The following ANKMY1 variants were observed in gnomAD, a reference collection of about 807,000 sequenced individuals.
ANKMY1 encodes the protein ankyrin repeat and MYND domain-containing protein 1.
A neutral mutation model predicts 102.0 loss-of-function variants in ANKMY1; 98 were observed. The ratio of observed to expected loss-of-function variants is 0.96; its 90% CI spans 0.82 to 1.14. ANKMY1 has a LOEUF of 1.14. Ranked by LOEUF, ANKMY1 falls within the 50% of genes most tolerant of loss-of-function variation. The pLI, the probability that ANKMY1 is intolerant of heterozygous loss-of-function variation, is 0.00. For synonymous variants in ANKMY1, 582 were observed against 559.9 expected (o/e 1.04, Z -0.56); for missense variants, 1,330 against 1,347.6 (o/e 0.99, Z 0.20).
At chr2:240,523,827 C>T in intron 8 of ANKMY1, 58 bp downstream of exon 8, 1 of 1,575,860 alleles carries the variant, frequency 6.3e-7, no homozygotes, top group Non-Finnish European at 8.6e-7. Context: ...GTCTGCTGAG[C>T]ATAGGATTCA....
intron 5 of ANKMY1, 63 bp from the exon 6 acceptor site, chr2:240,526,508 C>G: frequency 6.3e-7 from 1 of 1,599,410 alleles, no homozygotes; most frequent in South Asian, 1.1e-5. Flanking sequence ...GAGAAAGGGT[C>G]CAGCTGGACC....
In ANKMY1 at chr2:240,524,391, G is replaced by A. The variant is rs1369855082; in HGVS notation, c.1336-10C>T. 23 of 1,576,494 alleles carry A rather than the reference G, an allele frequency of 1.5e-5. No individual in the cohort carries two copies. In the Admixed American group the frequency reaches 2.3e-4, roughly 15 times the overall value. Reference sequence around the variant, plus strand: ...GGAATTTTGGAGGTTCCTTTGGAAAGAACCAAAAAAGTGTCATTAGAATAA... The same window carrying A: ...GGAATTTTGGAGGTTCCTTTGGAAAAAACCAAAAAAGTGTCATTAGAATAA... On this transcript the variant is annotated splice_polypyrimidine_tract_variant and intron_variant, in intron 7 of 17. Transcript: ENST00000401804.
Position 240,512,936 on chromosome 2 carries a change from T to A in ANKMY1, c.2011A>T (p.Thr671Ser). The change falls in exon 10 of 18, where the codon ACC becomes TCC. Residue 671 changes from threonine to serine, a missense_variant. Thr to Ser is a moderately conservative substitution (Grantham distance 58). Transcript: ENST00000401804. ...GCAGCGATGTGGAGTGGTGTCAGGGTGCTCAGCTGCAGAGGAAACACCGGG... is the reference window on the plus strand; with the variant it reads ...GCAGCGATGTGGAGTGGTGTCAGGGAGCTCAGCTGCAGAGGAAACACCGGG... ...TDICFPPQLS[T>S]LTPLHIAAAL... 6.2e-7 allele frequency: 1 copy of A among 1,611,576 alleles called. No homozygotes were observed. Among genetic ancestry groups the A allele is most frequent in the East Asian group, 2.2e-5 (1 of 44,708 alleles).
intron 4 of ANKMY1, among the ~76,000 whole-genome samples, chr2:240,551,812 A>G (rs1197273139): frequency 1.3e-5 from 2 of 152,204 alleles, no homozygotes; most frequent in East Asian, 3.8e-4. Flanking sequence ...CAGCCCAGTA[A>G]TCCTACAGAG....
chr2:240,551,116 T>G (rs1489942682), intron 4 of ANKMY1, among the ~76,000 whole-genome samples: 1 of 152,050 alleles, frequency 6.6e-6, no homozygotes, highest in African/African-American at 2.4e-5. Flanking sequence ...GCTGACTGCA[T>G]GGACTCAGCT....
At chr2:240,471,735 G>A in the ANKMY1 span, among the ~76,000 whole-genome samples, 10 of 152,292 alleles carry the variant, frequency 6.6e-5, no homozygotes, top group African/African-American at 2.4e-4. Flanking sequence ...TCAGGACTCT[G>A]GTAGGAGGCT....
In ANKMY1 at chr2:240,520,998, C is replaced by T. The variant is rs1204438589; in HGVS notation, c.1833-465G>A. Among the ~76,000 whole-genome samples, 1 of 152,052 alleles carries T rather than the reference C, an allele frequency of 6.6e-6. No individual in the cohort carries two copies. Among genetic ancestry groups the T allele is most frequent in the Admixed American group, 6.6e-5 (1 of 15,260 alleles). The stretch of plus-strand genomic sequence containing the variant: ...CACCACAAAGACACAAACACACAGG[C>T]GCACACACACCTCTGAGGGGTCACT... On this transcript the variant is annotated intron_variant, in intron 8 of 17. Transcript: ENST00000401804. This position sits in a 1 kb window ranked among gnomAD's most constrained non-coding sequence, Gnocchi z 4.8.
At chr2:240,486,215 A>G (rs2076044261) in intron 15 of ANKMY1, among the ~76,000 whole-genome samples, 1 of 152,138 alleles carries the variant, frequency 6.6e-6, no homozygotes, top group South Asian at 2.1e-4. Flanking sequence ...CCACAACAGA[A>G]CTTTCCTCCT....
Position 240,517,153 on chromosome 2 carries a change from G to A in ANKMY1, c.2004+3209C>T, listed in dbSNP as rs554537806. 2.0e-5 allele frequency among the ~76,000 whole-genome samples: 3 copies of A among 152,364 alleles called. No individual in the cohort carries two copies. The South Asian group carries it at 6.2e-4, about 32-fold the overall frequency. ...TTTTTATAATGGGACAAAGTTGGAA[G>A]AACTGGTTATTCTCCCAGGGCTTTG... On this transcript the variant is annotated intron_variant, in intron 9 of 17. Coordinates refer to ENST00000401804, the MANE Select transcript of ANKMY1 (RefSeq NM_001282771.3).
intron 5 of ANKMY1, chr2:240,526,838 C>T: frequency 8.5e-7 from 1 of 1,178,646 alleles, no homozygotes; most frequent in African/African-American, 1.6e-5. Context: ...CCACATTCCA[C>T]CCTCTGCTCA....
rs867078375 is a variant in ANKMY1, at chr2:240,525,564, C to T, written c.1335+121G>A. 4.0e-5 allele frequency: 52 copies of T among 1,299,868 alleles called. No individual in the cohort carries two copies. In the South Asian group the frequency reaches 7.4e-4, roughly 19 times the overall value. The allele number at this position is 1,299,868 out of a possible 1,614,324, so 80.5% of individuals were successfully genotyped here. On this transcript the variant is annotated intron_variant, in intron 7 of 17. Transcript: ENST00000401804. ...TCTGTCTCTCTTGCCCACTCCCTGCCTTATAACTCACCCTGTACAAGCCTG... is the reference window on the plus strand; with the variant it reads ...TCTGTCTCTCTTGCCCACTCCCTGCTTTATAACTCACCCTGTACAAGCCTG...
intron 4 of ANKMY1, among the ~76,000 whole-genome samples, chr2:240,530,048 G>A (rs1211039271): frequency 1.3e-5 from 2 of 152,088 alleles, no homozygotes; most frequent in Non-Finnish European, 2.9e-5. Context: ...AGAAAGAGGG[G>A]GACAGAGGAA....
chr2:240,525,220 T>C (rs1029880249), intron 7 of ANKMY1, among the ~76,000 whole-genome samples: 5 of 152,272 alleles, frequency 3.3e-5, no homozygotes, highest in Non-Finnish European at 7.3e-5. Flanking sequence ...GCTCCTCAGC[T>C]GCAGCACCCG....
At position 240,529,381 on chromosome 2, in the gene ANKMY1, G is replaced by T. The variant is rs1272728550; in HGVS notation, c.609C>A (p.Ser203=). The stretch of plus-strand genomic sequence containing the variant: ...TGGAGAACTCAGGGTATCTGAGGAG[G>T]GAGAAGCCACTGGGGATCTGGGTGC... ...KLCTQIPSGF[S]LLRYPEFSSF... Residue 203 remains serine (S), a synonymous_variant, in exon 5 of 18, where the codon TCC becomes TCA. Transcript: ENST00000401804. The surrounding 1 kb of genome is among the most constrained non-coding windows in gnomAD (Gnocchi z 4.2). The T allele has an allele frequency of 6.2e-7, 1 of 1,614,172 alleles. No homozygotes were observed. Among genetic ancestry groups the T allele is most frequent in the Admixed American group, 1.7e-5 (1 of 60,026 alleles).
intron 16 of ANKMY1, 63 bp downstream of exon 16, chr2:240,482,120 A>G: frequency 6.4e-7 from 1 of 1,565,346 alleles, no homozygotes; most frequent in Non-Finnish European, 8.8e-7. Flanking sequence ...GGCCAGGCAC[A>G]ACAGCACTGT....
At chr2:240,535,819 A>C (rs563222142) in intron 4 of ANKMY1, among the ~76,000 whole-genome samples, 33 of 152,280 alleles carry the variant, frequency 2.2e-4, no homozygotes, top group African/African-American at 7.5e-4. Flanking sequence ...TGGGTGACAG[A>C]GCAAGACCCT....
Position 240,520,351 on chromosome 2 carries a change from G to T in ANKMY1, c.2004+11C>A, listed in dbSNP as rs756972550. 1.3e-6 allele frequency: 2 copies of T among 1,527,810 alleles called. No individual in the cohort carries two copies. Among genetic ancestry groups the T allele is most frequent in the Admixed American group, 4.2e-5 (2 of 47,580 alleles). 94.6% of individuals were successfully genotyped at this position (1,527,810 alleles called of 1,614,324 possible). On this transcript the variant is annotated intron_variant, in intron 9 of 17. Transcript: ENST00000401804. This position sits in a 1 kb window ranked among gnomAD's most constrained non-coding sequence, Gnocchi z 4.8. The stretch of plus-strand genomic sequence containing the variant: ...GCGCTCGTCCCGGCGCCCGCCCGCC[G>T]CGGCTCCTACCTGCGGCGGAAAGCA...
chr2:240,511,846 C>T lies in ANKMY1; in HGVS notation c.2286+15G>A. 1 of 1,572,484 alleles carries T rather than the reference C, an allele frequency of 6.4e-7. No individual in the cohort carries two copies. The highest frequency in any genetic ancestry group is 8.6e-7 in the Non-Finnish European group (1 of 1,169,170). ...GGGCAGCCCTGTGCCCCCGCCAGGC[C>T]CTGGCTGCCCTCACCTTGTTGTCAT... is the stretch of plus-strand genomic sequence containing the variant. On this transcript the variant is annotated intron_variant, in intron 11 of 17. Coordinates refer to ENST00000401804, the MANE Select transcript of ANKMY1 (RefSeq NM_001282771.3).
At chr2:240,511,209 C>T (rs527408190) in intron 11 of ANKMY1, among the ~76,000 whole-genome samples, 16 of 152,324 alleles carry the variant, frequency 1.1e-4, no homozygotes, top group South Asian at 6.2e-4. Flanking sequence ...CTCATCCTCA[C>T]GCTCATGTCA....
Sources: allele counts gnomAD v4.1 joint callset (sites outside exome capture counted in the v4.1 genomes callset), GRCh38; gene constraint gnomAD v4.1.1; non-coding constraint Gnocchi (gnomAD v3.1); transcripts MANE v1.5; gene names NCBI Gene and HGNC (gene_info 2026-07-23, HGNC 2026-07-21).